SLC25A34: variants seen among roughly 807,000 people sequenced by gnomAD.
SLC25A34 encodes the protein solute carrier family 25 member 34.
SLC25A34 carries 26 observed loss-of-function variants against 28.1 expected under a neutral mutation model. That is an observed-to-expected ratio of 0.93 (90% CI 0.68 to 1.28). The LOEUF (loss-of-function observed/expected upper bound fraction) is 1.28. SLC25A34 is among the 50% of genes most tolerant of loss of function. SLC25A34 has a pLI of 0.00. For missense variants in SLC25A34, 384 were observed against 409.8 expected (o/e 0.94, Z 0.54); for synonymous variants, 182 against 182.2 (o/e 1.00, Z 0.01).
chr1:15,736,973 A>G lies in SLC25A34; in HGVS notation c.378+110A>G, dbSNP rs1225751179. The G allele has an allele frequency of 3.0e-6, 4 of 1,347,912 alleles. No homozygotes were observed. The African/African-American group carries it at 5.9e-5, about 20-fold the overall frequency. 83.5% of individuals were successfully genotyped at this position (1,347,912 alleles called of 1,614,324 possible). On this transcript the variant is annotated intron_variant, in intron 1 of 4. Coordinates refer to ENST00000294454, the MANE Select transcript of SLC25A34 (RefSeq NM_207348.3). ...TCAGTGGACCTGGGTGGGGTGGGGC[A>G]GCCGGGGTGGGGCTGCTCCCTGGAA...
In SLC25A34 at chr1:15,739,241, C is replaced by T. The variant is rs2068256939; in HGVS notation, c.750C>T (p.Gly250=). ...DTAGRGQLYG[G]LTDCMVKIWR... ...TTCCCCAGGGCCAGCTCTATGGGGG[C>T]CTCACCGACTGCATGGTGAAGATCT... Residue 250 remains glycine, a synonymous_variant, in exon 5 of 5, where the codon GGC becomes GGT. Transcript: ENST00000294454. 1 of 1,612,360 alleles carries T rather than the reference C, an allele frequency of 6.2e-7. No homozygotes were observed. Among genetic ancestry groups the T allele is most frequent in the African/African-American group, 1.3e-5 (1 of 74,934 alleles).
intron 1 of SLC25A34, 154 bp downstream of exon 1, chr1:15,737,017 G>A: frequency 9.1e-7 from 1 of 1,097,886 alleles, no homozygotes; most frequent in Non-Finnish European, 1.2e-6. Context: ...CCCAAGCCTG[G>A]AATCTGCCCC....
Position 15,736,842 on chromosome 1 carries a change from C to T in SLC25A34, c.357C>T (p.Phe119=), listed in dbSNP as rs149501220. The T allele has an allele frequency of 1.6e-5, 25 of 1,577,420 alleles. No homozygotes were observed. In the South Asian group the frequency reaches 1.6e-4, roughly 10 times the overall value. Residue 119 remains phenylalanine (F), a synonymous_variant, in exon 1 of 5, where the codon TTC becomes TTT. Transcript: ENST00000294454. ...CCGTGGCGGGGGCACTGGGAGCCTTCGTGGGGAGCCCTGCTTACCTGGTGA... is the reference window on the plus strand; with the variant it reads ...CCGTGGCGGGGGCACTGGGAGCCTTTGTGGGGAGCCCTGCTTACCTGGTGA... ...AGAVAGALGA[F]VGSPAYLIKT...
chr1:15,738,780 C>G, intron 4 of SLC25A34, 52 bp downstream of exon 4: 2 of 1,442,400 alleles, frequency 1.4e-6, no homozygotes, highest in Non-Finnish European at 1.8e-6. Context: ...AGCACCCCCC[C>G]AACACACACA....
intron 1 of SLC25A34, among the ~76,000 whole-genome samples, chr1:15,737,161 C>G (rs1034769460): frequency 6.6e-6 from 1 of 152,358 alleles, no homozygotes; most frequent in East Asian, 1.9e-4. Context: ...TCCCGCATGG[C>G]CTCATGTACG....
chr1:15,736,767 G>A lies in SLC25A34; in HGVS notation c.282G>A (p.Ala94=), dbSNP rs776910159. 35 of 1,607,044 alleles carry A rather than the reference G, an allele frequency of 2.2e-5. No homozygotes were observed. Among genetic ancestry groups the A allele is most frequent in the South Asian group, 4.4e-5 (4 of 90,922 alleles). The part of the protein sequence containing the change: ...NGVRFYCYSL[A]CQAGLTQQPG... ...TTCGTTTCTACTGCTACAGCCTGGC[G>A]TGCCAGGCTGGCCTCACGCAGCAAC... Residue 94 remains alanine (A), a synonymous_variant, in exon 1 of 5, where the codon GCG becomes GCA. Transcript: ENST00000294454.
In SLC25A34 at chr1:15,739,280, C is replaced by G. The variant is rs773948534; in HGVS notation, c.789C>G (p.Gly263=). The G allele has an allele frequency of 1.2e-6, 2 of 1,611,770 alleles. No homozygotes were observed. Among genetic ancestry groups the G allele is most frequent in the Admixed American group, 1.7e-5 (1 of 59,852 alleles). The stretch of plus-strand genomic sequence containing the variant: ...TGGTGAAGATCTGGCGGCAGGAGGG[C>G]CCCCTGGCACTCTACAAGGGCCTGG... ...DCMVKIWRQE[G]PLALYKGLGP... Residue 263 remains glycine (G), a synonymous_variant, in exon 5 of 5, where the codon GGC becomes GGG. Coordinates refer to ENST00000294454, the MANE Select transcript of SLC25A34 (RefSeq NM_207348.3).
intron 1 of SLC25A34, among the ~76,000 whole-genome samples, chr1:15,737,195 G>A (rs1218153552): frequency 2.0e-5 from 3 of 152,190 alleles, no homozygotes. Context: ...CTACCCTTGA[G>A]GGCCTCCGCC....
Position 15,739,550 on chromosome 1 carries a change from C to CT in SLC25A34, c.*144_*145insT. The CT allele has an allele frequency of 1.1e-6, 1 of 950,966 alleles. No individual in the cohort carries two copies. Among genetic ancestry groups the CT allele is most frequent in the Non-Finnish European group, 1.5e-6 (1 of 688,024 alleles). 58.9% of individuals were successfully genotyped at this position (950,966 alleles called of 1,614,324 possible). A position where few individuals can be genotyped will look rare whatever the true frequency, so the allele number is the denominator to read the frequency against. On this transcript the variant is annotated 3_prime_UTR_variant, in exon 5 of 5. Transcript: ENST00000294454. The stretch of plus-strand genomic sequence containing the variant: ...CGGGAGAGTGTGGACAGCTCTGGTC[C>CT]ATCCAGCCCCTTGGCCCACCCAGGT...
At position 15,736,503 on chromosome 1, in the gene SLC25A34, A is replaced by G; in HGVS notation, c.18A>G (p.Pro6=). Reference sequence around the variant, plus strand: ...CGGAGGCCATGGAGACGGTGCCCCCAGCAGTGGACCTGGTGCTGGGTGCTT... The same window carrying G: ...CGGAGGCCATGGAGACGGTGCCCCCGGCAGTGGACCTGGTGCTGGGTGCTT... The part of the protein sequence containing the change: METVP[P]AVDLVLGASA... The change falls in exon 1 of 5, where the codon CCA becomes CCG. Residue 6 remains proline (P), a synonymous_variant. Transcript: ENST00000294454. The G allele has an allele frequency of 6.9e-7, 1 of 1,453,144 alleles. No individual in the cohort carries two copies. The highest frequency in any genetic ancestry group is 9.1e-7 in the Non-Finnish European group (1 of 1,103,962). The allele number at this position is 1,453,144 out of a possible 1,614,324, so 90.0% of individuals were successfully genotyped here.
In SLC25A34 at chr1:15,738,584, A is replaced by C. The variant is rs2068248725; in HGVS notation, c.598-10A>C. 1.2e-6 allele frequency: 2 copies of C among 1,603,844 alleles called. No homozygotes were observed. The highest frequency in any genetic ancestry group is 1.7e-5 in the Admixed American group (1 of 58,244). On this transcript the variant is annotated splice_polypyrimidine_tract_variant and intron_variant, in intron 3 of 4. Transcript: ENST00000294454. ...TGTTGCAGGGATCAGCACCTGTGCC[A>C]TCCCCACAGTGGCTCCCTGAGGACA...
chr1:15,736,496 T>C lies in SLC25A34; in HGVS notation c.11T>C (p.Val4Ala). MET[V>A]PPAVDLVLGA... The stretch of plus-strand genomic sequence containing the variant: ...ACTGGCCCGGAGGCCATGGAGACGG[T>C]GCCCCCAGCAGTGGACCTGGTGCTG... Residue 4 changes from valine to alanine, a missense_variant, in exon 1 of 5, where the codon GTG becomes GCG. Val to Ala is a moderately conservative substitution (Grantham distance 64). Coordinates refer to ENST00000294454, the MANE Select transcript of SLC25A34 (RefSeq NM_207348.3). 6.9e-7 allele frequency: 1 copy of C among 1,446,402 alleles called. No homozygotes were observed. Among genetic ancestry groups the C allele is most frequent in the Non-Finnish European group, 9.1e-7 (1 of 1,100,868 alleles). The allele number at this position is 1,446,402 out of a possible 1,614,324, so 89.6% of individuals were successfully genotyped here.
intron 4 of SLC25A34, 138 bp from the exon 5 acceptor site, chr1:15,739,086 G>C: frequency 8.9e-7 from 1 of 1,120,742 alleles, no homozygotes. Context: ...CCATGGCGCC[G>C]CAGCCTCACA....
Position 15,739,495 on chromosome 1 carries a change from G to T in SLC25A34, c.*89G>T. 7.0e-7 allele frequency: 1 copy of T among 1,436,194 alleles called. No individual in the cohort carries two copies. The highest frequency in any genetic ancestry group is 9.2e-7 in the Non-Finnish European group (1 of 1,088,714). The allele number at this position is 1,436,194 out of a possible 1,614,324, so 89.0% of individuals were successfully genotyped here. A position where few individuals can be genotyped will look rare whatever the true frequency, so the allele number is the denominator to read the frequency against. On this transcript the variant is annotated 3_prime_UTR_variant, in exon 5 of 5. Transcript: ENST00000294454. ...CAGGACAACTGGCTGTCCCGGGGCGGGCCATGGGCCCAGGCCCTGCCAGAG... is the reference window on the plus strand; with the variant it reads ...CAGGACAACTGGCTGTCCCGGGGCGTGCCATGGGCCCAGGCCCTGCCAGAG...
chr1:15,736,552 T>G lies in SLC25A34; in HGVS notation c.67T>G (p.Phe23Val). 2.7e-6 allele frequency: 4 copies of G among 1,459,736 alleles called. No individual in the cohort carries two copies. The highest frequency in any genetic ancestry group is 3.6e-6 in the Non-Finnish European group (4 of 1,105,580). The allele number at this position is 1,459,736 out of a possible 1,614,324, so 90.4% of individuals were successfully genotyped here. Residue 23 changes from phenylalanine (F) to valine (V), a missense_variant, in exon 1 of 5, where the codon TTC becomes GTC. Physicochemically the swap from Phe to Val is conservative, Grantham distance 50. Transcript: ENST00000294454. ...TTCTGCCTGCTGCCTGGCCTGTGTC[T>G]TCACCAACCCCCTGGAGGTGGTGAA... Reference protein sequence around the residue: ...GASACCLACVFTNPLEVVKTR... With the variant: ...GASACCLACVVTNPLEVVKTR...
At position 15,736,843 on chromosome 1, in the gene SLC25A34, G is replaced by C; in HGVS notation, c.358G>C (p.Val120Leu). 3 of 1,577,888 alleles carry C rather than the reference G, an allele frequency of 1.9e-6. No individual in the cohort carries two copies. Among genetic ancestry groups the C allele is most frequent in the Non-Finnish European group, 2.6e-6 (3 of 1,165,104 alleles). The part of the protein sequence containing the change: ...GAVAGALGAF[V>L]GSPAYLIKTQ... ...CGTGGCGGGGGCACTGGGAGCCTTC[G>C]TGGGGAGCCCTGCTTACCTGGTGAG... is the stretch of plus-strand genomic sequence containing the variant. Residue 120 changes from valine (V) to leucine (L), a missense_variant, in exon 1 of 5, where the codon GTG (valine) becomes CTG (leucine). By Grantham distance (32) the Val-to-Leu change is conservative (BLOSUM62 1). Coordinates refer to ENST00000294454, the MANE Select transcript of SLC25A34 (RefSeq NM_207348.3).
At position 15,736,867 on chromosome 1, in the gene SLC25A34, A is replaced by C; in HGVS notation, c.378+4A>C. 2 of 1,538,818 alleles carry C rather than the reference A, an allele frequency of 1.3e-6. No individual in the cohort carries two copies. Among genetic ancestry groups the C allele is most frequent in the South Asian group, 2.5e-5 (2 of 80,838 alleles). ...CGTGGGGAGCCCTGCTTACCTGGTG[A>C]GTGGCTTGTCTCCATCGTCCACCCT... On this transcript the variant is annotated splice_donor_region_variant and intron_variant, in intron 1 of 4. Transcript: ENST00000294454.
At position 15,736,832 on chromosome 1, in the gene SLC25A34, T is replaced by C; in HGVS notation, c.347T>C (p.Leu116Pro). Residue 116 changes from leucine (L) to proline (P), a missense_variant, in exon 1 of 5, where the codon CTG becomes CCG. Coordinates refer to ENST00000294454, the MANE Select transcript of SLC25A34 (RefSeq NM_207348.3). ...TVVAGAVAGA[L>P]GAFVGSPAYL... ...GTTGCGGGAGCCGTGGCGGGGGCACTGGGAGCCTTCGTGGGGAGCCCTGCT... is the reference window on the plus strand; with the variant it reads ...GTTGCGGGAGCCGTGGCGGGGGCACCGGGAGCCTTCGTGGGGAGCCCTGCT... 6.3e-7 allele frequency: 1 copy of C among 1,587,098 alleles called. No individual in the cohort carries two copies. The highest frequency in any genetic ancestry group is 8.5e-7 in the Non-Finnish European group (1 of 1,169,610).
intron 4 of SLC25A34, chr1:15,739,018 C>T: frequency 1.5e-6 from 1 of 657,716 alleles, no homozygotes; most frequent in South Asian, 2.4e-5. Context: ...GCATGAGTTC[C>T]CCCAGCTGGT....
Sources: gnomAD v4.1 joint callset for allele counts (sites outside exome capture counted in the v4.1 genomes callset) on GRCh38, gnomAD v4.1.1 for gene constraint, MANE v1.5 for transcripts, NCBI Gene and HGNC (gene_info 2026-07-23, HGNC 2026-07-21) for gene names.